Variants in ZNF678 observed in about 807,000 individuals in gnomAD.
ZNF678 encodes zinc finger protein 678.
Under a neutral mutation model 3.0 loss-of-function variants are expected in ZNF678, and 5 were observed. That is an observed-to-expected ratio of 1.69 (90% CI 0.88 to 3.56). The LOEUF is 3.56. Ranked by LOEUF, ZNF678 falls within the 30% of genes most tolerant of loss-of-function variation. The probability of loss-of-function intolerance (pLI) is 0.00; values close to 1 mark genes in which losing one functional copy is unlikely to be tolerated. For missense variants in ZNF678, 593 were observed against 605.0 expected (o/e 0.98, Z 0.21); for synonymous variants, 218 against 199.6 (o/e 1.09, Z -0.78).
At chr1:227,635,746 T>A (rs1012482037) in intron 1 of ZNF678, among the ~76,000 whole-genome samples, 2 of 152,136 alleles carry the variant, frequency 1.3e-5, no homozygotes, top group Non-Finnish European at 2.9e-5. Flanking sequence ...CAGGGGTACG[T>A]GTCTTCTGGC....
chr1:227,615,239 A>G (rs898918855), intron 1 of ZNF678, among the ~76,000 whole-genome samples: 1 of 152,244 alleles, frequency 6.6e-6, no homozygotes, highest in Non-Finnish European at 1.5e-5. Context: ...CAGTTGGTTT[A>G]CATACTCAGG....
At chr1:227,610,032 C>G (rs775042646) in intron 1 of ZNF678, among the ~76,000 whole-genome samples, 9 of 152,042 alleles carry the variant, frequency 5.9e-5, no homozygotes, top group Admixed American at 2.0e-4. Context: ...CGCGCTCGAC[C>G]CTCCTTCACT....
chr1:227,646,832 T>G (rs1658972147), intron 2 of ZNF678, among the ~76,000 whole-genome samples, 162 bp downstream of exon 2: 1 of 152,226 alleles, frequency 6.6e-6, no homozygotes, highest in African/African-American at 2.4e-5. Flanking sequence ...AATAAAATCT[T>G]CAAAATGTTT....
chr1:227,678,849 T>G (rs1659723765), downstream of ZNF678, among the ~76,000 whole-genome samples: 2 of 152,152 alleles, frequency 1.3e-5, no homozygotes, highest in African/African-American at 2.4e-5. Flanking sequence ...CTTCTGATGG[T>G]CAACTATTAA....
At chr1:227,678,897 G>A (rs889407574), downstream of ZNF678, among the ~76,000 whole-genome samples, 1 of 152,158 alleles carries the variant, frequency 6.6e-6, no homozygotes, top group Non-Finnish European at 1.5e-5. Context: ...AAATGGAAAG[G>A]CATGGTAGCT....
chr1:227,625,258 A>G (rs1658381171), intron 1 of ZNF678, among the ~76,000 whole-genome samples: 1 of 152,142 alleles, frequency 6.6e-6, no homozygotes, highest in South Asian at 2.1e-4. Flanking sequence ...TAGGAAATCC[A>G]GCCAGTCCTG....
chr1:227,591,242 T>C (rs980586969), intron 1 of ZNF678, among the ~76,000 whole-genome samples: 1 of 151,866 alleles, frequency 6.6e-6, no homozygotes, highest in African/African-American at 2.4e-5. Flanking sequence ...CTATCAATTT[T>C]TAGGGTTACA....
intron 1 of ZNF678, among the ~76,000 whole-genome samples, chr1:227,572,163 T>C (rs1656862644): frequency 6.6e-6 from 1 of 152,230 alleles, no homozygotes; most frequent in African/African-American, 2.4e-5. Flanking sequence ...AAACCTTACG[T>C]TTTTATAGAA....
chr1:227,576,663 A>G (rs763384081), intron 1 of ZNF678, among the ~76,000 whole-genome samples: 2 of 151,980 alleles, frequency 1.3e-5, no homozygotes, highest in Admixed American at 6.6e-5. Context: ...CTCATGGTCT[A>G]TTTTATTAAT....
chr1:227,644,053 C>T (rs930519860), intron 1 of ZNF678, among the ~76,000 whole-genome samples: 1 of 151,370 alleles, frequency 6.6e-6, no homozygotes, highest in Non-Finnish European at 1.5e-5. Context: ...TTAGTAGAGG[C>T]GGGGTTTCGC....
At chr1:227,610,768 G>A (rs532573063) in intron 1 of ZNF678, among the ~76,000 whole-genome samples, 2 of 152,270 alleles carry the variant, frequency 1.3e-5, no homozygotes, top group South Asian at 4.2e-4. Flanking sequence ...CCCCTAAGGT[G>A]ATCAACACCC....
chr1:227,632,790 G>A (rs1658580395), intron 1 of ZNF678, among the ~76,000 whole-genome samples: 1 of 152,148 alleles, frequency 6.6e-6, no homozygotes, highest in Non-Finnish European at 1.5e-5. Context: ...TCCCTGTATG[G>A]GCTACCAAAT....
chr1:227,645,929 C>T (rs1377757002), intron 1 of ZNF678, among the ~76,000 whole-genome samples: 1 of 152,216 alleles, frequency 6.6e-6, no homozygotes, highest in African/African-American at 2.4e-5. Flanking sequence ...AACTGATGGG[C>T]ATAAACCATC....
chr1:227,576,164 G>A (rs1656982743), intron 1 of ZNF678, among the ~76,000 whole-genome samples: 2 of 152,080 alleles, frequency 1.3e-5, no homozygotes, highest in Non-Finnish European at 2.9e-5. Context: ...TGTTGAGGCT[G>A]AGGTTTTTGC....
intron 1 of ZNF678, among the ~76,000 whole-genome samples, chr1:227,575,022 A>G (rs760237103): frequency 6.6e-6 from 1 of 151,786 alleles, no homozygotes; most frequent in African/African-American, 2.4e-5. Context: ...GCTTATTTTT[A>G]TCAGGTTTGT....
chr1:227,677,816 A>G (rs1326408524), downstream of ZNF678, among the ~76,000 whole-genome samples: 3 of 152,256 alleles, frequency 2.0e-5, no homozygotes, highest in Non-Finnish European at 4.4e-5. Flanking sequence ...CAGTAAACAT[A>G]GAATAGGTAA....
intron 1 of ZNF678, among the ~76,000 whole-genome samples, chr1:227,567,226 T>C (rs778868428): frequency 3.3e-5 from 5 of 152,254 alleles, no homozygotes; most frequent in Non-Finnish European, 7.3e-5. Flanking sequence ...ATAGACACTT[T>C]TGCCTTTCCT....
chr1:227,587,987 C>T (rs1367770458), intron 1 of ZNF678, among the ~76,000 whole-genome samples: 1 of 152,082 alleles, frequency 6.6e-6, no homozygotes, highest in Admixed American at 6.5e-5. Context: ...TTCCCTCCCC[C>T]CAGCCCCCCA....
At chr1:227,647,098 C>CA (rs111899784) in intron 2 of ZNF678, among the ~76,000 whole-genome samples, 32,250 of 151,072 alleles carry the variant, frequency 0.21, 3,570 homozygotes, top group East Asian at 0.28. Flanking sequence ...ACTAAAAATA[C>CA]AAAAAAAAAT....
Sources: gnomAD v4.1 joint callset for allele counts (sites outside exome capture counted in the v4.1 genomes callset) on GRCh38, gnomAD v4.1.1 for gene constraint, MANE v1.5 for transcripts, NCBI Gene and HGNC (gene_info 2026-07-23, HGNC 2026-07-21) for gene names.